The following TTLL11 variants were observed in gnomAD, a reference collection of about 807,000 sequenced individuals.
The protein encoded by TTLL11 is tubulin polyglutamylase TTLL11.
In TTLL11, 42 loss-of-function variants were observed where a neutral mutation model predicts 51.7. The observed-to-expected ratio is 0.81, with a 90% CI of 0.64 to 1.05. The LOEUF (loss-of-function observed/expected upper bound fraction) is 1.05, where lower values mean the gene tolerates loss of function less well. TTLL11 is among the 50% of genes least tolerant of loss of function. TTLL11 has a pLI of 0.00. For synonymous variants in TTLL11, 381 were observed against 383.5 expected, an observed-to-expected ratio of 0.99 and a Z score of 0.08; for missense variants, 799 against 940.4, an observed-to-expected ratio of 0.85 and a Z score of 1.97.
chr9:122,070,063 A>T (rs927668576), intron 1 of TTLL11, among the ~76,000 whole-genome samples: 1 of 151,944 alleles, frequency 6.6e-6, no homozygotes, highest in East Asian at 1.9e-4. Flanking sequence ...CAAACTTCTT[A>T]GGGTTTAGTG....
At chr9:121,993,122 G>T (rs1057447374) in intron 3 of TTLL11, among the ~76,000 whole-genome samples, 2 of 152,194 alleles carry the variant, frequency 1.3e-5, no homozygotes, top group African/African-American at 4.8e-5. Flanking sequence ...TTCCAGGGCT[G>T]GGGTGGGAGG....
At chr9:121,826,217 T>TATATATATATATATATATATATATAC (rs1491163835) in intron 8 of TTLL11, among the ~76,000 whole-genome samples, 1 of 58,114 alleles carries the variant, frequency 1.7e-5, no homozygotes, top group Non-Finnish European at 3.0e-5. Flanking sequence ...TATATATATA[T>TATATATATATATATATATATATATAC]GCACACATAT....
chr9:122,026,725 A>G (rs1844355544), intron 3 of TTLL11, among the ~76,000 whole-genome samples: 1 of 152,100 alleles, frequency 6.6e-6, no homozygotes, highest in African/African-American at 2.4e-5. Context: ...AAAAAATAGT[A>G]ACTTTATAGT....
intron 2 of TTLL11, among the ~76,000 whole-genome samples, chr9:122,037,574 C>T (rs114015984): frequency 0.016 from 2,448 of 152,266 alleles, 59 homozygotes; most frequent in African/African-American, 0.055. Flanking sequence ...ATTCTTGTAA[C>T]TTAATATGAC....
Position 121,860,412 on chromosome 9 carries a change from T to G in TTLL11, c.1765A>C (p.Met589Leu). 1.9e-6 allele frequency: 3 copies of G among 1,551,358 alleles called. No individual in the cohort carries two copies. Among genetic ancestry groups the G allele is most frequent in the Non-Finnish European group, 2.6e-6 (3 of 1,146,952 alleles). ...ATGTAGAGGATGTCCACGGCAGCCA[T>G]GGACAGGCTGCTGCTGCTGAGTTTG... ...SCKLSSSSLS[M>L]AAVDILYIDI... is the part of the protein sequence containing the mutation. Residue 589 changes from methionine to leucine, a missense_variant, in exon 8 of 9, where the codon ATG becomes CTG. Met to Leu is a conservative substitution (Grantham distance 15). Coordinates refer to ENST00000321582, the MANE Select transcript of TTLL11 (RefSeq NM_001139442.2).
intron 8 of TTLL11, among the ~76,000 whole-genome samples, chr9:121,859,975 C>T (rs770043829): frequency 1.3e-5 from 2 of 152,230 alleles, no homozygotes; most frequent in African/African-American, 2.4e-5. Flanking sequence ...CCTCCCAATG[C>T]TACAGTGAAT....
intron 6 of TTLL11, among the ~76,000 whole-genome samples, chr9:121,940,061 C>T (rs1841388303): frequency 1.3e-5 from 2 of 152,180 alleles, no homozygotes; most frequent in Admixed American, 6.5e-5. Context: ...GCCTTGCCTT[C>T]CTTCGTTACT....
chr9:122,072,458 A>G (rs1443382239), intron 1 of TTLL11, among the ~76,000 whole-genome samples: 1 of 152,112 alleles, frequency 6.6e-6, no homozygotes, highest in Non-Finnish European at 1.5e-5. Context: ...AGCCTGGTCA[A>G]CATGGTGAAA....
chr9:121,819,744 C>A lies in TTLL11; in HGVS notation c.*2843G>T, dbSNP rs76888590. On this transcript the variant is annotated 3_prime_UTR_variant, in exon 9 of 9. Coordinates refer to ENST00000321582, the MANE Select transcript of TTLL11 (RefSeq NM_001139442.2). The stretch of plus-strand genomic sequence containing the variant: ...CGTGCCTCTGGGCCAGCCAGACTCC[C>A]GGCTCTACTTCCTATCTTCTCGGAG... Among the ~76,000 whole-genome samples the A allele has an allele frequency of 6.6e-6, 1 of 152,090 alleles. No homozygotes were observed. Among genetic ancestry groups the A allele is most frequent in the African/African-American group, 2.4e-5 (1 of 41,390 alleles).
chr9:121,877,787 C>G (rs1838624358), intron 6 of TTLL11, among the ~76,000 whole-genome samples: 1 of 152,178 alleles, frequency 6.6e-6, no homozygotes, highest in African/African-American at 2.4e-5. Flanking sequence ...AACCAAGGCA[C>G]AAGGATATGA....
chr9:121,848,164 G>A (rs961806687), intron 8 of TTLL11, among the ~76,000 whole-genome samples: 8 of 151,308 alleles, frequency 5.3e-5, no homozygotes, highest in African/African-American at 1.9e-4. Flanking sequence ...CCAAGATTGT[G>A]TCACTGCACT....
chr9:122,061,524 C>A (rs1345896696), intron 1 of TTLL11, among the ~76,000 whole-genome samples: 1 of 152,162 alleles, frequency 6.6e-6, no homozygotes, highest in Non-Finnish European at 1.5e-5. Context: ...TTTTTAACAC[C>A]ACTAAATATT....
At chr9:121,884,437 G>T (rs997509816) in intron 6 of TTLL11, among the ~76,000 whole-genome samples, 1 of 152,144 alleles carries the variant, frequency 6.6e-6, no homozygotes, top group Non-Finnish European at 1.5e-5. Flanking sequence ...CAGTTGTCAT[G>T]GCAACATCCA....
intron 3 of TTLL11, among the ~76,000 whole-genome samples, chr9:122,009,565 GTACA>G (rs990780914): frequency 6.6e-6 from 1 of 150,906 alleles, no homozygotes; most frequent in Non-Finnish European, 1.5e-5. Context: ...ACCATAATGT[GTACA>G]TAAACACATT....
Position 121,985,578 on chromosome 9 carries a change from G to A in TTLL11, c.1269+3617C>T, listed in dbSNP as rs542946308. ...GTCACCCAGGCTGGAGTGCAGTGGC[G>A]CGATCTCGGCTCACTGCAAGCTCCG... On this transcript the variant is annotated intron_variant, in intron 4 of 8. Transcript: ENST00000321582. Among the ~76,000 whole-genome samples the A allele has an allele frequency of 3.2e-4, 46 of 143,690 alleles. No homozygotes were observed. The South Asian group carries it at 0.01, about 32-fold the overall frequency. 94.3% of individuals were successfully genotyped at this position (143,690 alleles called of 152,430 possible).
intron 1 of TTLL11, among the ~76,000 whole-genome samples, chr9:122,049,878 C>T (rs1845111963): frequency 6.6e-6 from 1 of 152,172 alleles, no homozygotes; most frequent in Non-Finnish European, 1.5e-5. Flanking sequence ...AGCATTTCAA[C>T]TGACTGAGGA....
chr9:121,937,439 C>A (rs1486887112), intron 6 of TTLL11, among the ~76,000 whole-genome samples: 3 of 152,172 alleles, frequency 2.0e-5, no homozygotes, highest in Non-Finnish European at 4.4e-5. Flanking sequence ...CATGCAAATT[C>A]ATCTGACTCC....
intron 1 of TTLL11, among the ~76,000 whole-genome samples, chr9:122,072,687 G>A (rs116223061): frequency 4.5e-4 from 69 of 152,112 alleles, no homozygotes; most frequent in African/African-American, 1.6e-3. Context: ...CAGTGTTCTC[G>A]CTTGCCACCA....
At chr9:121,899,365 G>GTGTGTGTGTATATATATACATATA (rs1226221957) in intron 6 of TTLL11, among the ~76,000 whole-genome samples, 3 of 113,236 alleles carry the variant, frequency 2.6e-5, no homozygotes, top group Admixed American at 1.0e-4. Flanking sequence ...ATGTGTGTGT[G>GTGTGTGTGTATATATATACATATA]TATATATATA....
Sources: allele counts gnomAD v4.1 joint callset (sites outside exome capture counted in the v4.1 genomes callset), GRCh38; gene constraint gnomAD v4.1.1; transcripts MANE v1.5; gene names NCBI Gene and HGNC (gene_info 2026-07-23, HGNC 2026-07-21).